The following DISC1 variants were observed in gnomAD, a reference collection of about 807,000 sequenced individuals.
DISC1 encodes the protein disrupted in schizophrenia 1 protein.
Under a neutral mutation model 84.5 loss-of-function variants are expected in DISC1, and 57 were observed. The observed-to-expected ratio is 0.67, with a 90% CI of 0.55 to 0.84. DISC1 has a LOEUF of 0.84. DISC1 is among the 40% of genes least tolerant of loss of function. The pLI is 0.00. For synonymous variants in DISC1, 411 were observed against 415.2 expected (o/e 0.99, Z 0.12); for missense variants, 1,000 against 1,057.8 (o/e 0.95, Z 0.76).
chr1:231,880,901 A>G (rs1224308530), intron 9 of DISC1, among the ~76,000 whole-genome samples: 1 of 152,200 alleles, frequency 6.6e-6, no homozygotes, highest in Non-Finnish European at 1.5e-5. Context: ...TTAACGTTTC[A>G]TGATGTTCAA....
At chr1:231,795,479 G>A (rs1426168793) in intron 7 of DISC1, among the ~76,000 whole-genome samples, 183 bp downstream of exon 7, 4 of 152,214 alleles carry the variant, frequency 2.6e-5, no homozygotes, top group Admixed American at 2.6e-4. Flanking sequence ...CATAGTGGAG[G>A]TCTTGACTTG....
chr1:231,748,108 C>G (rs1331002420), intron 3 of DISC1, among the ~76,000 whole-genome samples: 1 of 152,136 alleles, frequency 6.6e-6, no homozygotes, highest in Non-Finnish European at 1.5e-5. Flanking sequence ...TCACTGAATT[C>G]ATTTATCAGT....
chr1:231,796,228 A>C (rs1209541357), intron 7 of DISC1, among the ~76,000 whole-genome samples: 1 of 152,186 alleles, frequency 6.6e-6, no homozygotes, highest in Non-Finnish European at 1.5e-5. Flanking sequence ...AGTTATTGAC[A>C]GACTGAGAAA....
chr1:231,746,931 T>C (rs1047573649), intron 3 of DISC1, among the ~76,000 whole-genome samples: 2 of 152,150 alleles, frequency 1.3e-5, no homozygotes, highest in African/African-American at 4.8e-5. Flanking sequence ...TGATTGTTTA[T>C]ATCTTTTATT....
At chr1:231,893,312 T>G (rs2087406521) in intron 9 of DISC1, among the ~76,000 whole-genome samples, 1 of 152,112 alleles carries the variant, frequency 6.6e-6, no homozygotes, top group Non-Finnish European at 1.5e-5. Flanking sequence ...TGTGTATATG[T>G]GCGGTTAATA....
chr1:231,644,686 G>A (rs748739068), intron 1 of DISC1, among the ~76,000 whole-genome samples: 4 of 152,140 alleles, frequency 2.6e-5, no homozygotes, highest in African/African-American at 4.8e-5. Flanking sequence ...GAGGGACATC[G>A]TTTAGGAGCA....
chr1:231,634,760 A>G (rs2059046964), intron 1 of DISC1, among the ~76,000 whole-genome samples: 1 of 152,184 alleles, frequency 6.6e-6, no homozygotes, highest in African/African-American at 2.4e-5. Flanking sequence ...TTAAAAATGT[A>G]GAGTGCCAGG....
chr1:232,024,759 A>T (rs573153307), intron 11 of DISC1, among the ~76,000 whole-genome samples: 1 of 146,526 alleles, frequency 6.8e-6, no homozygotes, highest in East Asian at 2.5e-4. Context: ...CGCCCAGCTA[A>T]TTTTTGTATT....
intron 9 of DISC1, among the ~76,000 whole-genome samples, chr1:231,915,481 G>A (rs371802812): frequency 3.9e-5 from 6 of 152,166 alleles, no homozygotes; most frequent in Non-Finnish European, 5.9e-5. Flanking sequence ...TGGGAAGCTC[G>A]GCTCAAAACA....
At chr1:231,745,523 A>G in intron 3 of DISC1, 1 of 191,674 alleles carries the variant, frequency 5.2e-6, no homozygotes, top group South Asian at 6.7e-5. Context: ...CGCTCAGCCT[A>G]AACATTCATT....
At chr1:231,644,778 T>C (rs879384638) in intron 1 of DISC1, among the ~76,000 whole-genome samples, 6 of 152,108 alleles carry the variant, frequency 3.9e-5, no homozygotes, top group Non-Finnish European at 8.8e-5. Context: ...TCTAGTTCTT[T>C]CTATATCTTT....
chr1:231,988,590 A>T (rs987534859), intron 10 of DISC1, among the ~76,000 whole-genome samples: 21 of 152,198 alleles, frequency 1.4e-4, no homozygotes, highest in Non-Finnish European at 2.5e-4. Context: ...ATACAGCAAG[A>T]AGGCACCACC....
At chr1:231,804,685 G>A (rs997116648) in intron 8 of DISC1, among the ~76,000 whole-genome samples, 1 of 152,156 alleles carries the variant, frequency 6.6e-6, no homozygotes, top group Non-Finnish European at 1.5e-5. Flanking sequence ...ATATGCCTGG[G>A]CTGAATATGG....
rs143165003 is a variant in DISC1, at chr1:231,771,055, C to A, written c.1619C>A (p.Pro540Gln). 4.5e-4 allele frequency: 714 copies of A among 1,602,730 alleles called. No individual in the cohort carries two copies. The highest frequency in any genetic ancestry group is 5.6e-4 in the Non-Finnish European group (654 of 1,173,900). ...AGQIPFHAEP[P>Q]ETIRSLQERI... ...CAGATTCCCTTCCATGCAGAGCCAC[C>A]GGAAACCATAAGGAGGTACTGCTGA... Residue 540 changes from proline to glutamine, a missense_variant, in exon 6 of 13, where the codon CCG becomes CAG. Coordinates refer to ENST00000439617, the MANE Select transcript of DISC1 (RefSeq NM_018662.3).
intron 1 of DISC1, among the ~76,000 whole-genome samples, chr1:231,638,351 G>A (rs2059362196): frequency 1.3e-5 from 2 of 152,036 alleles, no homozygotes; most frequent in South Asian, 4.1e-4. Flanking sequence ...ATTTCCCTAT[G>A]CTTTTTTGTT....
intron 1 of DISC1, among the ~76,000 whole-genome samples, chr1:231,685,372 CTTAA>C (rs1355074037): frequency 6.6e-6 from 1 of 152,100 alleles, no homozygotes; most frequent in African/African-American, 2.4e-5. Flanking sequence ...GAAAAAGAGG[CTTAA>C]TTAGACTTAC....
chr1:231,959,284 G>A (rs1056688942), intron 10 of DISC1: 3 of 987,062 alleles, frequency 3.0e-6, no homozygotes, highest in Non-Finnish European at 3.6e-6. Context: ...AGAAATGCAC[G>A]TCTTAGGTTC....
intron 1 of DISC1, among the ~76,000 whole-genome samples, chr1:231,671,030 C>T (rs2062568497): frequency 6.6e-6 from 1 of 152,192 alleles, no homozygotes; most frequent in African/African-American, 2.4e-5. Flanking sequence ...TGAATATTGC[C>T]TTGGAAGCCA....
intron 9 of DISC1, among the ~76,000 whole-genome samples, chr1:231,846,989 T>G (rs2083492339): frequency 6.6e-6 from 1 of 152,250 alleles, no homozygotes; most frequent in Non-Finnish European, 1.5e-5. Flanking sequence ...GAGAATTTGC[T>G]GTTTTCTCTG....
Sources: gnomAD v4.1 joint callset for allele counts (sites outside exome capture counted in the v4.1 genomes callset) on GRCh38, gnomAD v4.1.1 for gene constraint, MANE v1.5 for transcripts, NCBI Gene and HGNC (gene_info 2026-07-23, HGNC 2026-07-21) for gene names.